Variants in FAT4 observed in about 807,000 individuals in gnomAD.
The protein encoded by FAT4 is FAT atypical cadherin 4.
Under a neutral mutation model 303.9 loss-of-function variants are expected in FAT4, and 84 were observed. The ratio of observed to expected loss-of-function variants is 0.28; its 90% CI spans 0.23 to 0.33. The LOEUF is 0.33. Among genes scored for constraint, FAT4 ranks in the 10% least tolerant of loss-of-function variants. The pLI, the probability that FAT4 is intolerant of heterozygous loss-of-function variation, is 1.00. For missense variants in FAT4, 6,005 were observed against 6,146.8 expected (o/e 0.98, Z 0.77); for synonymous variants, 2,307 against 2,298.8 (o/e 1.00, Z -0.10).
At chr4:125,388,055 G>A (rs571457942) in intron 2 of FAT4, among the ~76,000 whole-genome samples, 1 of 152,276 alleles carries the variant, frequency 6.6e-6, no homozygotes, top group African/African-American at 2.4e-5. Flanking sequence ...CCTCTACTCA[G>A]TATCTCTAGT....
rs753667401 is a variant in FAT4 at position 125,490,141 on chromosome 4, G to T, written c.13325G>T (p.Ser4442Ile). The change falls in exon 18 of 18, where the codon AGC becomes ATC. Residue 4442 changes from serine to isoleucine, a missense_variant. Transcript: ENST00000394329. ...CASHPCQNGG[S>I]CEPGLHSGFT... ...TCCCACCCGTGCCAGAATGGTGGCA[G>T]CTGTGAGCCAGGCCTGCACTCCGGC... 12 of 1,613,990 alleles carry T rather than the reference G, an allele frequency of 7.4e-6. No homozygotes were observed. In the African/African-American group the frequency reaches 1.6e-4, roughly 22 times the overall value.
intron 2 of FAT4, among the ~76,000 whole-genome samples, chr4:125,384,201 A>C (rs1733650262): frequency 6.6e-6 from 1 of 152,194 alleles, no homozygotes; most frequent in Admixed American, 6.5e-5. Flanking sequence ...GACTGGAATT[A>C]CAAGTCATGT....
chr4:125,358,366 T>C (rs1732517442), intron 2 of FAT4, among the ~76,000 whole-genome samples: 1 of 152,076 alleles, frequency 6.6e-6, no homozygotes, highest in Non-Finnish European at 1.5e-5. Context: ...CTATTATTAT[T>C]ATATTGTAAT....
chr4:125,481,828 C>G, intron 16 of FAT4, 90 bp downstream of exon 16: 5 of 1,131,778 alleles, frequency 4.4e-6, no homozygotes, highest in South Asian at 1.4e-5. Flanking sequence ...CTGTCCTTTT[C>G]TTTACAACCC....
chr4:125,371,614 C>T (rs2663256), intron 2 of FAT4, among the ~76,000 whole-genome samples: 94,766 of 151,518 alleles, frequency 0.63, 29,974 homozygotes, highest in African/African-American at 0.74. Context: ...CTAGACCTTG[C>T]CTCAGGGGCT....
At position 125,452,580 on chromosome 4, in the gene FAT4, C is replaced by T. The variant is rs536513777; in HGVS notation, c.11570C>T (p.Ala3857Val). 1.9e-6 allele frequency: 3 copies of T among 1,614,114 alleles called. No individual in the cohort carries two copies. The highest frequency in any genetic ancestry group is 2.2e-5 in the East Asian group (1 of 44,870). ...PFLCKCLPGY[A>V]GSWCEIDIDE... ...TTATGCAAGTGTCTGCCAGGATATG[C>T]GGGTAGCTGGTGTGAAATAGATATA... is the stretch of plus-strand genomic sequence containing the variant. Residue 3857 changes from alanine (A) to valine (V), a missense_variant, in exon 10 of 18, where the codon GCG becomes GTG. Physicochemically the swap from Ala to Val is moderately conservative, Grantham distance 64 (BLOSUM62 0). Transcript: ENST00000394329.
intron 16 of FAT4, among the ~76,000 whole-genome samples, chr4:125,484,712 C>G (rs749322825): frequency 6.6e-6 from 1 of 152,058 alleles, no homozygotes; most frequent in East Asian, 1.9e-4. Context: ...GTCTATTGCT[C>G]CTGTGCTATA....
rs1417822125 is a variant in FAT4 at position 125,463,602 on chromosome 4, A to G, written c.11840A>G (p.Asn3947Ser). 1 of 1,601,108 alleles carries G rather than the reference A, an allele frequency of 6.2e-7. No individual in the cohort carries two copies. The highest frequency in any genetic ancestry group is 8.5e-7 in the Non-Finnish European group (1 of 1,172,302). ...CESSVNYCECNPCFNGGSCQS... is the reference protein window; with the variant it reads ...CESSVNYCECSPCFNGGSCQS... The stretch of plus-strand genomic sequence containing the variant: ...TCTTCAGTCAATTACTGTGAATGCA[A>G]CCCCTGCTTTAATGGTGGTTCCTGC... The change falls in exon 11 of 18, where the codon AAC becomes AGC. Residue 3947 changes from asparagine to serine, a missense_variant. By Grantham distance (46) the Asn-to-Ser change is conservative. Transcript: ENST00000394329.
Position 125,492,000 on chromosome 4 carries a change from G to A in FAT4, c.*232G>A. 1 of 492,526 alleles carries A rather than the reference G, an allele frequency of 2.0e-6. No homozygotes were observed. The highest frequency in any genetic ancestry group is 3.9e-5 in the Admixed American group (1 of 25,938). 30.5% of individuals were successfully genotyped at this position (492,526 alleles called of 1,614,324 possible). On this transcript the variant is annotated 3_prime_UTR_variant, in exon 18 of 18. Coordinates refer to ENST00000394329, the MANE Select transcript of FAT4 (RefSeq NM_001291303.3). The stretch of plus-strand genomic sequence containing the variant: ...CTGCATGCATTGTGTTTTGTAACTA[G>A]TTATGTGGCATGCAGCATTTGGAAA...
At position 125,452,383 on chromosome 4, in the gene FAT4, C is replaced by A. The variant is rs1017830368; in HGVS notation, c.11373C>A (p.Ile3791=). The A allele has an allele frequency of 1.9e-6, 3 of 1,614,048 alleles. No individual in the cohort carries two copies. In the Admixed American group the frequency reaches 5.0e-5, roughly 27 times the overall value. Residue 3791 remains isoleucine, a synonymous_variant, in exon 10 of 18, where the codon ATC becomes ATA. Coordinates refer to ENST00000394329, the MANE Select transcript of FAT4 (RefSeq NM_001291303.3). ...VATFFESIKE[I]LLRQSGVKVE... ...CCTTCTTTGAAAGCATCAAAGAGAT[C>A]CTTCTCCGGCAGAGTGGAGTAAAGG...
intron 8 of FAT4, 52 bp downstream of exon 8, chr4:125,434,477 T>G: frequency 6.8e-7 from 1 of 1,476,196 alleles, no homozygotes; most frequent in Non-Finnish European, 9.5e-7. Flanking sequence ...TAAACATTAG[T>G]TTTTGAACTA....
chr4:125,376,882 T>C (rs1279123615), intron 2 of FAT4, among the ~76,000 whole-genome samples: 2 of 152,088 alleles, frequency 1.3e-5, no homozygotes, highest in African/African-American at 2.4e-5. Context: ...TGAAACTCTA[T>C]CTCAAAAATA....
chr4:125,486,213 G>A (rs985981698), intron 16 of FAT4, among the ~76,000 whole-genome samples: 4 of 149,586 alleles, frequency 2.7e-5, no homozygotes, highest in Non-Finnish European at 5.9e-5. Context: ...TGTGTCATGA[G>A]ATGTTGCCCA....
At position 125,451,844 on chromosome 4, in the gene FAT4, A is replaced by C. The variant is rs778891572; in HGVS notation, c.10834A>C (p.Asn3612His). Residue 3612 changes from asparagine to histidine, a missense_variant, in exon 10 of 18, where the codon AAT (asparagine) becomes CAT (histidine). Coordinates refer to ENST00000394329, the MANE Select transcript of FAT4 (RefSeq NM_001291303.3). The part of the protein sequence containing the change: ...VHITVIDQND[N>H]PSQSRTVEIF... Reference sequence around the variant, plus strand: ...TATCACAGTTATAGACCAAAATGACAATCCTTCACAGTCTCGGACGGTGGA... The same window carrying C: ...TATCACAGTTATAGACCAAAATGACCATCCTTCACAGTCTCGGACGGTGGA... 24 of 1,614,020 alleles carry C rather than the reference A, an allele frequency of 1.5e-5. No individual in the cohort carries two copies. Among genetic ancestry groups the C allele is most frequent in the Non-Finnish European group, 1.8e-5 (21 of 1,180,024 alleles).
intron 12 of FAT4, among the ~76,000 whole-genome samples, chr4:125,475,701 T>C (rs11941296): frequency 0.99 from 150,974 of 152,196 alleles, 74,895 homozygotes; most frequent in Middle Eastern, 1. Context: ...AGTATTTATA[T>C]TGTATTTTCC....
In FAT4 at chr4:125,479,758, G is replaced by C. The variant is rs1257514065; in HGVS notation, c.12497G>C (p.Gly4166Ala). 3.1e-6 allele frequency: 5 copies of C among 1,594,856 alleles called. No homozygotes were observed. The highest frequency in any genetic ancestry group is 1.7e-5 in the Admixed American group (1 of 59,810). The change falls in exon 15 of 18, where the codon GGC becomes GCC. Residue 4166 changes from glycine to alanine, a missense_variant. Transcript: ENST00000394329. ...GILDQCPRLE[G>A]ACTRSPCQHG... ...TATTTTAGATGCCCTAGGCTGGAAG[G>C]CGCTTGTACTCGCAGCCCATGCCAA...
intron 10 of FAT4, 82 bp downstream of exon 10, chr4:125,452,892 A>G (rs1056813644): frequency 3.4e-6 from 5 of 1,458,510 alleles, no homozygotes; most frequent in African/African-American, 2.8e-5. Flanking sequence ...TCATTTTCCA[A>G]TGATTTTCAT....
chr4:125,384,152 G>C (rs1278999563), intron 2 of FAT4, among the ~76,000 whole-genome samples: 4 of 152,010 alleles, frequency 2.6e-5, no homozygotes, highest in Non-Finnish European at 5.9e-5. Context: ...ACAAGTTTTT[G>C]TGCAAACATG....
chr4:125,323,041 TCCTCTC>T (rs1731016615), intron 2 of FAT4, among the ~76,000 whole-genome samples: 1 of 152,156 alleles, frequency 6.6e-6, no homozygotes, highest in South Asian at 2.1e-4. Context: ...AAACCCACAA[TCCTCTC>T]TCTAACTTTC....
Sources: gnomAD v4.1 joint callset for allele counts (sites outside exome capture counted in the v4.1 genomes callset) on GRCh38, gnomAD v4.1.1 for gene constraint, MANE v1.5 for transcripts, NCBI Gene and HGNC (gene_info 2026-07-23, HGNC 2026-07-21) for gene names.